The following PTPRD variants were observed in gnomAD, a reference collection of about 807,000 sequenced individuals.
PTPRD encodes protein tyrosine phosphatase receptor type D.
In PTPRD, 34 loss-of-function variants were observed where a neutral mutation model predicts 214.5. The ratio of observed to expected loss-of-function variants is 0.16; its 90% CI spans 0.12 to 0.21. The LOEUF (loss-of-function observed/expected upper bound fraction) is 0.21, where lower values mean the gene tolerates loss of function less well. Among genes scored for constraint, PTPRD ranks in the 10% least tolerant of loss-of-function variants. PTPRD has a pLI of 1.00. For synonymous variants in PTPRD, 1,128 were observed against 845.7 expected, an observed-to-expected ratio of 1.33 and a Z score of -5.79; for missense variants, 2,545 against 2,398.7, an observed-to-expected ratio of 1.06 and a Z score of -1.27.
chr9:9,323,543 T>A (rs1243307737), intron 9 of PTPRD, among the ~76,000 whole-genome samples: 1 of 152,154 alleles, frequency 6.6e-6, no homozygotes. Context: ...TTTCTAACAT[T>A]GTTAACCACT....
At chr9:10,148,780 C>T (rs866196683) in intron 3 of PTPRD, among the ~76,000 whole-genome samples, 61 of 152,098 alleles carry the variant, frequency 4.0e-4, no homozygotes, top group African/African-American at 1.4e-3. Flanking sequence ...GGGTAAGAAC[C>T]ATGTCTATGT....
At chr9:9,340,030 A>G (rs2046161884) in intron 9 of PTPRD, among the ~76,000 whole-genome samples, 1 of 152,152 alleles carries the variant, frequency 6.6e-6, no homozygotes, top group Non-Finnish European at 1.5e-5. Flanking sequence ...TGACTGTGAG[A>G]AGACATTAGC....
At chr9:8,964,377 T>C (rs973769590) in intron 11 of PTPRD, among the ~76,000 whole-genome samples, 1 of 151,806 alleles carries the variant, frequency 6.6e-6, no homozygotes, top group Non-Finnish European at 1.5e-5. Flanking sequence ...GAGGATATTG[T>C]CTATTTCTGT....
chr9:9,677,395 G>C (rs1280819107), intron 7 of PTPRD, among the ~76,000 whole-genome samples: 1 of 152,052 alleles, frequency 6.6e-6, no homozygotes, highest in Non-Finnish European at 1.5e-5. Context: ...TCATCCCTGG[G>C]ATGCAAGGCT....
chr9:8,764,786 G>C (rs1401340427), intron 11 of PTPRD, among the ~76,000 whole-genome samples: 3 of 143,612 alleles, frequency 2.1e-5, no homozygotes, highest in East Asian at 4.1e-4. Flanking sequence ...CAGAGAGTTT[G>C]TCTCAAAATA....
rs1459413814 is a variant in PTPRD, at chr9:9,368,365, A to G, written c.-203+29084T>C. 2.6e-5 allele frequency among the ~76,000 whole-genome samples: 4 copies of G among 151,860 alleles called. No individual in the cohort carries two copies. In the South Asian group the frequency reaches 8.3e-4, roughly 31 times the overall value. ...AAATCGGGCATAGGAAAAGACAGGT[A>G]AGATAATAAGTGTTAGTCCATTCAT... On this transcript the variant is annotated intron_variant, in intron 9 of 45. Coordinates refer to ENST00000381196, the MANE Select transcript of PTPRD (RefSeq NM_002839.4).
At chr9:10,044,414 CAGATGTAAAA>C (rs938023869) in intron 3 of PTPRD, among the ~76,000 whole-genome samples, 11 of 151,672 alleles carry the variant, frequency 7.3e-5, no homozygotes, top group African/African-American at 2.4e-4. Context: ...AATATGTTTT[CAGATGTAAAA>C]ATTGGATCAG....
chr9:8,570,832 A>G (rs957635885), intron 14 of PTPRD, among the ~76,000 whole-genome samples: 1 of 152,016 alleles, frequency 6.6e-6, no homozygotes, highest in Non-Finnish European at 1.5e-5. Context: ...TAAAAAGCAC[A>G]TATATTTTAT....
chr9:9,772,970 A>G (rs900226883), intron 5 of PTPRD, among the ~76,000 whole-genome samples: 5 of 152,210 alleles, frequency 3.3e-5, no homozygotes, highest in Non-Finnish European at 7.4e-5. Context: ...TTTCTAAAAA[A>G]GGAAATAAGC....
chr9:9,025,929 T>G (rs888204219), intron 10 of PTPRD, among the ~76,000 whole-genome samples: 9 of 152,108 alleles, frequency 5.9e-5, no homozygotes, highest in Admixed American at 1.3e-4. Context: ...TTCTAGACAC[T>G]AGAAATTATA....
intron 10 of PTPRD, among the ~76,000 whole-genome samples, chr9:9,141,977 T>C (rs1381023348): frequency 6.6e-6 from 1 of 152,206 alleles, no homozygotes; most frequent in African/African-American, 2.4e-5. Context: ...GCATGTGGTT[T>C]GACTGCTACA....
rs142191245 is a variant in PTPRD at position 10,543,663 on chromosome 9, T to A, written c.-600+68735A>T. 3.9e-3 allele frequency among the ~76,000 whole-genome samples: 598 copies of A among 152,326 alleles called. 5 individuals carry two copies. Among genetic ancestry groups the A allele is most frequent in the African/African-American group, 0.013 (560 of 41,582 alleles). On this transcript the variant is annotated intron_variant, in intron 2 of 45. Coordinates refer to ENST00000381196, the MANE Select transcript of PTPRD (RefSeq NM_002839.4). ...ACAAGATGGGCTAGTTCCTTTGAAG[T>A]TGGACATTTGAACTATAGTAAACTC...
chr9:9,674,858 G>A (rs910401080), intron 7 of PTPRD, among the ~76,000 whole-genome samples: 1 of 151,768 alleles, frequency 6.6e-6, no homozygotes, highest in Non-Finnish European at 1.5e-5. Context: ...GCAAGGAAGA[G>A]GATTGTGAAG....
chr9:9,965,223 T>A (rs1346097588), intron 4 of PTPRD, among the ~76,000 whole-genome samples: 1 of 152,112 alleles, frequency 6.6e-6, no homozygotes, highest in Non-Finnish European at 1.5e-5. Flanking sequence ...AATAAACTGC[T>A]GTGGAACCTC....
intron 2 of PTPRD, among the ~76,000 whole-genome samples, chr9:10,496,428 GC>G (rs5896396): frequency 0.25 from 38,154 of 151,820 alleles, 5,088 homozygotes; most frequent in Middle Eastern, 0.41. Flanking sequence ...AAACTATTTA[GC>G]AGCTAATTTA....
intron 8 of PTPRD, among the ~76,000 whole-genome samples, chr9:9,556,519 C>A (rs1203731080): frequency 6.6e-6 from 1 of 152,194 alleles, no homozygotes; most frequent in Non-Finnish European, 1.5e-5. Flanking sequence ...AGAAGTCTAT[C>A]AATTGTGTTT....
intron 5 of PTPRD, among the ~76,000 whole-genome samples, chr9:9,772,388 C>G (rs2098758920): frequency 6.6e-6 from 1 of 152,218 alleles, no homozygotes; most frequent in African/African-American, 2.4e-5. Flanking sequence ...TAAACTAATA[C>G]AACTGATAAT....
intron 10 of PTPRD, among the ~76,000 whole-genome samples, chr9:9,158,091 A>C (rs1221040045): frequency 1.3e-5 from 2 of 152,094 alleles, no homozygotes; most frequent in Non-Finnish European, 2.9e-5. Flanking sequence ...GTATATATGT[A>C]CCATATTTTC....
At chr9:8,435,005 G>A (rs1345196835) in intron 35 of PTPRD, among the ~76,000 whole-genome samples, 2 of 152,174 alleles carry the variant, frequency 1.3e-5, no homozygotes, top group Non-Finnish European at 1.5e-5. Flanking sequence ...TCTCCTGAAT[G>A]CTTGGAGCAG....
Sources: allele counts gnomAD v4.1 joint callset (sites outside exome capture counted in the v4.1 genomes callset), GRCh38; gene constraint gnomAD v4.1.1; transcripts MANE v1.5; gene names NCBI Gene and HGNC (gene_info 2026-07-23, HGNC 2026-07-21).